TMEM132D: variants seen among roughly 807,000 people sequenced by gnomAD.
The protein encoded by TMEM132D is transmembrane protein 132D, also known as mature OL transmembrane protein.
A neutral mutation model predicts 62.3 loss-of-function variants in TMEM132D; 21 were observed. The ratio of observed to expected loss-of-function variants is 0.34; its 90% CI spans 0.24 to 0.49. The LOEUF (loss-of-function observed/expected upper bound fraction) is 0.49, where lower values mean the gene tolerates loss of function less well. Among genes scored for constraint, TMEM132D ranks in the 20% least tolerant of loss-of-function variants. The pLI is 0.99. For synonymous variants in TMEM132D, 621 were observed against 575.6 expected (o/e 1.08, Z -1.13); for missense variants, 1,346 against 1,402.8 (o/e 0.96, Z 0.65).
At chr12:129,794,253 A>ATTTTT (rs3046861) in intron 1 of TMEM132D, among the ~76,000 whole-genome samples, 2 of 111,554 alleles carry the variant, frequency 1.8e-5, no homozygotes, top group African/African-American at 3.4e-5. Context: ...CATGCCCAGC[A>ATTTTT]TTTTTTTTTT....
At chr12:129,420,315 T>TTTTTG (rs1566063101) in intron 3 of TMEM132D, among the ~76,000 whole-genome samples, 806 of 58,152 alleles carry the variant, frequency 0.014, 22 homozygotes, top group African/African-American at 0.037. Flanking sequence ...TGTTTTTTTT[T>TTTTTG]TTTTTTTTTT....
chr12:129,818,756 C>T (rs112396097), intron 1 of TMEM132D, among the ~76,000 whole-genome samples: 4 of 151,978 alleles, frequency 2.6e-5, no homozygotes, highest in African/African-American at 9.7e-5. Flanking sequence ...TAGAACGTGC[C>T]GGGGGTGGTA....
intron 2 of TMEM132D, among the ~76,000 whole-genome samples, chr12:129,649,506 A>G (rs1879866945): frequency 6.6e-6 from 1 of 152,206 alleles, no homozygotes. Context: ...CCATCTTTGC[A>G]AAATAATTAT....
chr12:129,207,332 G>T (rs548324687), intron 5 of TMEM132D, among the ~76,000 whole-genome samples: 5 of 151,892 alleles, frequency 3.3e-5, no homozygotes, highest in Non-Finnish European at 7.4e-5. Context: ...CAGAGCTTAG[G>T]TTCCAACGAG....
chr12:129,840,330 C>G (rs1277876198), intron 1 of TMEM132D: 1 of 152,184 alleles, frequency 6.6e-6, no homozygotes, highest in East Asian at 2.0e-4. Flanking sequence ...ACTATGGCCC[C>G]GAGGATGCCC....
chr12:129,312,830 A>G (rs1429762237), intron 4 of TMEM132D, among the ~76,000 whole-genome samples: 1 of 152,244 alleles, frequency 6.6e-6, no homozygotes, highest in Non-Finnish European at 1.5e-5. Context: ...GACAATAAGC[A>G]GAAAAATAAA....
rs149816074 is a variant in TMEM132D at position 129,217,848 on chromosome 12, T to C, written c.1300-8185A>G. 2.0e-5 allele frequency among the ~76,000 whole-genome samples: 3 copies of C among 152,310 alleles called. No homozygotes were observed. The East Asian group carries it at 5.8e-4, about 29-fold the overall frequency. ...TTTTTTAAGGAAAACAATGAGTCACTAGGATAGATAGTTTTTGCTTTTCCT... is the reference window on the plus strand; with the variant it reads ...TTTTTTAAGGAAAACAATGAGTCACCAGGATAGATAGTTTTTGCTTTTCCT... On this transcript the variant is annotated intron_variant, in intron 4 of 8. Coordinates refer to ENST00000422113, the MANE Select transcript of TMEM132D (RefSeq NM_133448.3).
chr12:129,691,105 C>CA (rs969494623), intron 2 of TMEM132D, among the ~76,000 whole-genome samples: 1 of 151,176 alleles, frequency 6.6e-6, no homozygotes, highest in East Asian at 1.9e-4. Context: ...AAAGAAGTCT[C>CA]AAAAAAAATT....
In TMEM132D at chr12:129,783,673, A is replaced by G. The variant is rs145535869; in HGVS notation, c.80-82975T>C. On this transcript the variant is annotated intron_variant, in intron 1 of 8. Coordinates refer to ENST00000422113, the MANE Select transcript of TMEM132D (RefSeq NM_133448.3). ...AACCAAATGTTCAGAACGTCTGCACATTAGAATATTTTGGTTTGAGCCCAA... is the reference window on the plus strand; with the variant it reads ...AACCAAATGTTCAGAACGTCTGCACGTTAGAATATTTTGGTTTGAGCCCAA... Among the ~76,000 whole-genome samples the G allele has an allele frequency of 8.3e-4, 126 of 152,368 alleles. 3 individuals carry two copies. Among genetic ancestry groups the G allele is most frequent in the African/African-American group, 2.9e-3 (122 of 41,598 alleles).
chr12:129,228,860 C>A (rs1879555891), intron 4 of TMEM132D, among the ~76,000 whole-genome samples: 1 of 152,220 alleles, frequency 6.6e-6, no homozygotes, highest in South Asian at 2.1e-4. Flanking sequence ...AGATTTAATT[C>A]TTTTTCAATG....
intron 4 of TMEM132D, among the ~76,000 whole-genome samples, chr12:129,249,115 G>A (rs116482802): frequency 0.011 from 1,691 of 152,252 alleles, 17 homozygotes; most frequent in African/African-American, 0.03. Context: ...CAAAGATCCC[G>A]GGATATTGTA....
At chr12:129,114,979 G>A (rs1875850441) in intron 5 of TMEM132D, among the ~76,000 whole-genome samples, 1 of 152,146 alleles carries the variant, frequency 6.6e-6, no homozygotes. Context: ...ATGCTGCCAT[G>A]AACCATCCTG....
At chr12:129,258,640 ACGTAATAT>A (rs1230397804) in intron 4 of TMEM132D, among the ~76,000 whole-genome samples, 1 of 152,184 alleles carries the variant, frequency 6.6e-6, no homozygotes, top group African/African-American at 2.4e-5. Context: ...CTAGTCAGTC[ACGTAATAT>A]GTGTGGCTGG....
chr12:129,896,007 G>C (rs1279391144), intron 1 of TMEM132D, among the ~76,000 whole-genome samples: 1 of 129,540 alleles, frequency 7.7e-6, no homozygotes, highest in Non-Finnish European at 1.6e-5. Context: ...GTCTCACTCT[G>C]TCACTCAGGT....
At position 129,243,259 on chromosome 12, in the gene TMEM132D, T is replaced by A. The variant is rs575755232; in HGVS notation, c.1300-33596A>T. ...CTATTTGTAGTGACTGAAAGCACTT[T>A]CGTTTCATTATTCATTGTAGTATTT... On this transcript the variant is annotated intron_variant, in intron 4 of 8. Coordinates refer to ENST00000422113, the MANE Select transcript of TMEM132D (RefSeq NM_133448.3). Among the ~76,000 whole-genome samples, 4 of 152,368 alleles carry A rather than the reference T, an allele frequency of 2.6e-5. No individual in the cohort carries two copies. The South Asian group carries it at 8.3e-4, about 32-fold the overall frequency.
chr12:129,143,352 A>C (rs1876797728), intron 5 of TMEM132D, among the ~76,000 whole-genome samples: 1 of 152,206 alleles, frequency 6.6e-6, no homozygotes, highest in African/African-American at 2.4e-5. Flanking sequence ...GGGAGGGGGC[A>C]TGGAGCTTTC....
intron 3 of TMEM132D, among the ~76,000 whole-genome samples, chr12:129,409,259 T>C (rs1566059957): frequency 6.6e-6 from 1 of 152,094 alleles, no homozygotes; most frequent in Non-Finnish European, 1.5e-5. Flanking sequence ...ATTTGAAGTG[T>C]TCATTACATA....
At chr12:129,254,328 A>G (rs1175808412) in intron 4 of TMEM132D, among the ~76,000 whole-genome samples, 1 of 152,224 alleles carries the variant, frequency 6.6e-6, no homozygotes, top group East Asian at 1.9e-4. Context: ...GCGTGCCCAA[A>G]TATGTGCAAC....
intron 3 of TMEM132D, among the ~76,000 whole-genome samples, chr12:129,524,958 G>A (rs1261370001): frequency 4.1e-5 from 4 of 96,452 alleles, no homozygotes; most frequent in Non-Finnish European, 5.7e-5. Flanking sequence ...ACGGAGTCTC[G>A]CTCTGTCGCC....
Sources: allele counts gnomAD v4.1 joint callset (sites outside exome capture counted in the v4.1 genomes callset), GRCh38; gene constraint gnomAD v4.1.1; transcripts MANE v1.5; gene names NCBI Gene and HGNC (gene_info 2026-07-23, HGNC 2026-07-21).